The following DENND1B variants were observed in gnomAD, a reference collection of about 807,000 sequenced individuals.
DENND1B encodes the protein DENN domain-containing protein 1B.
Under a neutral mutation model 90.1 loss-of-function variants are expected in DENND1B, and 59 were observed. The ratio of observed to expected loss-of-function variants is 0.65; its 90% confidence interval spans 0.53 to 0.81. DENND1B has a LOEUF of 0.81. Ranked by LOEUF, DENND1B falls within the 40% of genes least tolerant of loss-of-function variation. DENND1B has a pLI of 0.00. For synonymous variants in DENND1B, 337 were observed against 324.6 expected (o/e 1.04, Z -0.41); for missense variants, 862 against 912.6 (o/e 0.94, Z 0.71).
chr1:197,536,108 C>A (rs76457624), intron 20 of DENND1B, among the ~76,000 whole-genome samples: 2 of 130,166 alleles, frequency 1.5e-5, no homozygotes, highest in Non-Finnish European at 3.3e-5. Flanking sequence ...GGGAGAGAGA[C>A]GGAGGGAGGG....
At chr1:197,629,137 G>A (rs1445632922) in intron 10 of DENND1B, among the ~76,000 whole-genome samples, 1 of 152,118 alleles carries the variant, frequency 6.6e-6, no homozygotes, top group Admixed American at 6.6e-5. Context: ...CAGGGATCTA[G>A]AACCAGAAAT....
intron 10 of DENND1B, among the ~76,000 whole-genome samples, chr1:197,618,247 C>T (rs1487713824): frequency 6.6e-6 from 1 of 151,028 alleles, no homozygotes; most frequent in Non-Finnish European, 1.5e-5. Context: ...GCAATAATAT[C>T]AGGGGACTTG....
intron 2 of DENND1B, among the ~76,000 whole-genome samples, chr1:197,761,227 TCA>T: frequency 6.6e-6 from 1 of 152,170 alleles, no homozygotes; most frequent in Non-Finnish European, 1.5e-5. Flanking sequence ...AAAATTAACT[TCA>T]TTAACTGCTT....
At chr1:197,662,671 A>G (rs576295523) in intron 5 of DENND1B, among the ~76,000 whole-genome samples, 1 of 152,148 alleles carries the variant, frequency 6.6e-6, no homozygotes, top group African/African-American at 2.4e-5. Flanking sequence ...GCACCCATTA[A>G]CTTGTCATTT....
At chr1:197,690,156 A>G in intron 3 of DENND1B, 1 of 280,392 alleles carries the variant, frequency 3.6e-6, no homozygotes, top group South Asian at 5.0e-5. Context: ...AAAAGCTTTG[A>G]GTGAAGCTCT....
In DENND1B at chr1:197,643,909, A is replaced by C. The variant is rs1448373992; in HGVS notation, c.562-1088T>G. On this transcript the variant is annotated intron_variant, in intron 9 of 22. Transcript: ENST00000620048. ...CAAACTAATTAAGGGATTCAACAAG[A>C]TATAACAAACAAAAACTGTAGCATC... Among the ~76,000 whole-genome samples, 3 of 152,240 alleles carry C rather than the reference A, an allele frequency of 2.0e-5. No homozygotes were observed. In the East Asian group the frequency reaches 5.8e-4, roughly 29 times the overall value.
intron 15 of DENND1B, among the ~76,000 whole-genome samples, chr1:197,554,055 C>T (rs1671482435): frequency 6.7e-6 from 1 of 150,174 alleles, no homozygotes; most frequent in African/African-American, 2.5e-5. Flanking sequence ...GAAAAGTATC[C>T]TGGGTATTTT....
intron 2 of DENND1B, among the ~76,000 whole-genome samples, chr1:197,724,771 T>C (rs1661479263): frequency 6.6e-6 from 1 of 152,016 alleles, no homozygotes. Flanking sequence ...AAACATGAAC[T>C]AGCAAATTTT....
rs1366400704 is a variant in DENND1B at position 197,508,196 on chromosome 1, AACCAT to A, written c.*2259_*2263del. Reference sequence around the variant, plus strand: ...TGAGTTCTGAAAAAAACAAACAAAAAACCATACCTCATTTCAAAATTCATATTAAA... The same window carrying A: ...TGAGTTCTGAAAAAAACAAACAAAAAACCTCATTTCAAAATTCATATTAAA... On this transcript the variant is annotated 3_prime_UTR_variant, in exon 23 of 23. Coordinates refer to ENST00000620048, the MANE Select transcript of DENND1B (RefSeq NM_001195215.2). 1 of 151,562 alleles carries A rather than the reference AACCAT, an allele frequency of 6.6e-6. No individual in the cohort carries two copies. Among genetic ancestry groups the A allele is most frequent in the African/African-American group, 2.4e-5 (1 of 41,334 alleles). The allele number at this position is 151,562 out of a possible 1,614,324, so 9.4% of individuals were successfully genotyped here.
chr1:197,647,544 T>C (rs1173347738), intron 7 of DENND1B, among the ~76,000 whole-genome samples: 1 of 152,190 alleles, frequency 6.6e-6, no homozygotes, highest in East Asian at 1.9e-4. Context: ...TTGTCACTTA[T>C]TTAACAGTAT....
chr1:197,584,541 C>A (rs550059017), intron 14 of DENND1B, among the ~76,000 whole-genome samples: 1 of 152,176 alleles, frequency 6.6e-6, no homozygotes, highest in East Asian at 1.9e-4. Flanking sequence ...AAAAAGAAAA[C>A]AAAATTCAAA....
rs115901154 is a variant in DENND1B at position 197,752,286 on chromosome 1, A to G, written c.82+20582T>C. Among the ~76,000 whole-genome samples the G allele has an allele frequency of 5.1e-3, 772 of 152,124 alleles. 16 individuals are homozygous for G. Among genetic ancestry groups the G allele is most frequent in the African/African-American group, 0.017 (715 of 41,428 alleles). ...CCAATACCTTTCACAATTAAATAAA[A>G]TTCCTGAATTTTGTTTAAATTTCAA... On this transcript the variant is annotated intron_variant, in intron 2 of 22. Transcript: ENST00000620048.
intron 15 of DENND1B, among the ~76,000 whole-genome samples, chr1:197,574,560 A>G (rs1263140291): frequency 1.3e-5 from 2 of 152,196 alleles, no homozygotes; most frequent in Non-Finnish European, 2.9e-5. Context: ...GAAGCTACCA[A>G]TGACTTTCTT....
intron 15 of DENND1B, among the ~76,000 whole-genome samples, chr1:197,560,837 G>A (rs1448837237): frequency 2.6e-5 from 4 of 151,568 alleles, no homozygotes; most frequent in Non-Finnish European, 5.9e-5. Flanking sequence ...AATGTTTAAC[G>A]ACCTCTCCCA....
chr1:197,669,206 T>A (rs946401556), intron 5 of DENND1B, among the ~76,000 whole-genome samples: 1 of 152,130 alleles, frequency 6.6e-6, no homozygotes, highest in Non-Finnish European at 1.5e-5. Flanking sequence ...CATTATGTGC[T>A]CAAATACACA....
chr1:197,522,382 A>T (rs1296396557), intron 20 of DENND1B, among the ~76,000 whole-genome samples: 1 of 152,058 alleles, frequency 6.6e-6, no homozygotes, highest in African/African-American at 2.4e-5. Context: ...GCTATGTGAG[A>T]CTAGGTCACT....
At chr1:197,515,820 C>G (rs969894249) in intron 20 of DENND1B, among the ~76,000 whole-genome samples, 6 of 151,704 alleles carry the variant, frequency 4.0e-5, no homozygotes, top group Non-Finnish European at 3.0e-5. Context: ...TATAATTTGC[C>G]CAAGCACACA....
At chr1:197,758,960 A>ATTTT (rs759108636) in intron 2 of DENND1B, among the ~76,000 whole-genome samples, 28 of 97,832 alleles carry the variant, frequency 2.9e-4, no homozygotes, top group African/African-American at 9.2e-4. Context: ...TACTTCATTA[A>ATTTT]TTTTTTTTTT....
chr1:197,737,174 A>G (rs1043712756), intron 2 of DENND1B, among the ~76,000 whole-genome samples: 14 of 152,152 alleles, frequency 9.2e-5, no homozygotes, highest in Admixed American at 9.2e-4. Context: ...AAGGCAGCAC[A>G]CCAATAAACC....
Sources: gnomAD v4.1 joint callset for allele counts (sites outside exome capture counted in the v4.1 genomes callset) on GRCh38, gnomAD v4.1.1 for gene constraint, MANE v1.5 for transcripts, NCBI Gene and HGNC (gene_info 2026-07-23, HGNC 2026-07-21) for gene names.